The following ENPP2 variants were observed in gnomAD, a reference collection of about 807,000 sequenced individuals.
The protein encoded by ENPP2 is autotaxin.
A neutral mutation model predicts 120.2 loss-of-function variants in ENPP2; 51 were observed. The observed-to-expected ratio is 0.42, with a 90% CI of 0.34 to 0.54. The LOEUF (loss-of-function observed/expected upper bound fraction) is 0.54, where lower values mean the gene tolerates loss of function less well. Among genes scored for constraint, ENPP2 ranks in the 20% least tolerant of loss-of-function variants. ENPP2 has a pLI of 0.04. For synonymous variants in ENPP2, 365 were observed against 366.4 expected (o/e 1.00, Z 0.04); for missense variants, 920 against 1,066.5 (o/e 0.86, Z 1.91).
Position 119,583,781 on chromosome 8 carries a change from T to C in ENPP2, c.1479A>G (p.Ser493=), listed in dbSNP as rs1812914571. ...SMQTVFVGYG[S]TFKYKTKVPP... The stretch of plus-strand genomic sequence containing the variant: ...GCACTTTAGTCTTGTACTTAAATGT[T>C]GAGCCATAACCTACAAAAACAGTCT... Residue 493 remains serine, a synonymous_variant, in exon 17 of 25, where the codon TCA becomes TCG. Transcript: ENST00000075322. 1 of 1,602,480 alleles carries C rather than the reference T, an allele frequency of 6.2e-7. No individual in the cohort carries two copies. The highest frequency in any genetic ancestry group is 8.5e-7 in the Non-Finnish European group (1 of 1,170,614).
At chr8:119,599,005 G>A (rs1044107642) in intron 11 of ENPP2, among the ~76,000 whole-genome samples, 5 of 152,168 alleles carry the variant, frequency 3.3e-5, no homozygotes, top group African/African-American at 1.2e-4. Flanking sequence ...CTGCTTAGGT[G>A]TTTTGTTTTG....
chr8:119,580,070 G>A (rs369983841), intron 19 of ENPP2, 46 bp downstream of exon 19: 28 of 1,425,330 alleles, frequency 2.0e-5, no homozygotes, highest in African/African-American at 7.1e-5. Flanking sequence ...TTCGATTTTC[G>A]AAAACGAGAA....
intron 23 of ENPP2, among the ~76,000 whole-genome samples, chr8:119,564,247 T>C (rs967473397): frequency 2.6e-5 from 4 of 152,128 alleles, no homozygotes; most frequent in African/African-American, 4.8e-5. Context: ...CATCTTCCCA[T>C]TGAAGAGCTG....
chr8:119,637,440 G>A (rs182821056), intron 2 of ENPP2, among the ~76,000 whole-genome samples: 14 of 152,308 alleles, frequency 9.2e-5, no homozygotes, highest in Admixed American at 7.2e-4. Context: ...ATGTAAGGAA[G>A]ATTTAGTATT....
chr8:119,569,309 G>A lies in ENPP2; in HGVS notation c.1979C>T (p.Ser660Phe), dbSNP rs1248923381. 6.2e-7 allele frequency: 1 copy of A among 1,614,064 alleles called. No individual in the cohort carries two copies. The highest frequency in any genetic ancestry group is 2.2e-5 in the East Asian group (1 of 44,850). ...CAAACAGTTCTGACTGAAACTCGGA[G>A]AAACACGGACATCAGGCCGGACGCA... ...TSCVRPDVRV[S>F]PSFSQNCLAY... is the part of the protein sequence containing the mutation. Residue 660 changes from serine to phenylalanine, a missense_variant, in exon 21 of 25, where the codon TCT (serine) becomes TTT (phenylalanine). By Grantham distance (155) the Ser-to-Phe change is radical. Coordinates refer to ENST00000075322, the MANE Select transcript of ENPP2 (RefSeq NM_001040092.3).
chr8:119,641,475 C>T (rs1817285894), upstream of ENPP2, among the ~76,000 whole-genome samples: 1 of 152,232 alleles, frequency 6.6e-6, no homozygotes, highest in Non-Finnish European at 1.5e-5. Flanking sequence ...ACACATGTGG[C>T]TGGCTCAGTA....
At chr8:119,632,443 A>T (rs1443096090) in intron 2 of ENPP2, among the ~76,000 whole-genome samples, 2 of 152,246 alleles carry the variant, frequency 1.3e-5, no homozygotes, top group South Asian at 4.1e-4. Flanking sequence ...TACATATTCA[A>T]ATGATGTTAT....
chr8:119,600,532 AT>A (rs1462397829), intron 11 of ENPP2, 145 bp downstream of exon 11: 1 of 540,058 alleles, frequency 1.9e-6, no homozygotes, highest in Admixed American at 3.5e-5. Flanking sequence ...TTTTTAAAAA[AT>A]TTTTAGTCTT....
intron 24 of ENPP2, among the ~76,000 whole-genome samples, chr8:119,559,183 C>G (rs982385685): frequency 1.3e-5 from 2 of 152,156 alleles, no homozygotes; most frequent in African/African-American, 4.8e-5. Flanking sequence ...ACTGACCAGT[C>G]CTCAGTGTGA....
rs191794347 is a variant in ENPP2 at position 119,620,311 on chromosome 8, C to A, written c.419-1007G>T. Among the ~76,000 whole-genome samples the A allele has an allele frequency of 1.5e-3, 224 of 152,184 alleles. 2 individuals carry two copies. Among genetic ancestry groups the A allele is most frequent in the African/African-American group, 4.3e-3 (179 of 41,534 alleles). On this transcript the variant is annotated intron_variant, in intron 4 of 24. Transcript: ENST00000075322. Reference sequence around the variant, plus strand: ...GTGGCTTCCTGGTACACTTACTGCACAGGCAAATTAAAAAGGAAAGGGAAA... The same window carrying A: ...GTGGCTTCCTGGTACACTTACTGCAAAGGCAAATTAAAAAGGAAAGGGAAA...
At chr8:119,648,758 C>A (rs2130868347) in intron 1 of ENPP2, among the ~76,000 whole-genome samples, 1 of 152,286 alleles carries the variant, frequency 6.6e-6, no homozygotes, top group South Asian at 2.1e-4. Flanking sequence ...TACAAAAAGT[C>A]CAGAGCTAAC....
intron 1 of ENPP2, among the ~76,000 whole-genome samples, chr8:119,666,789 A>G (rs1347162719): frequency 6.6e-6 from 1 of 152,084 alleles, no homozygotes; most frequent in East Asian, 1.9e-4. Flanking sequence ...AAAAAAAAAA[A>G]AAGCTTAATG....
At chr8:119,585,823 G>A (rs756217479) in intron 15 of ENPP2, among the ~76,000 whole-genome samples, 11 of 151,872 alleles carry the variant, frequency 7.2e-5, no homozygotes, top group South Asian at 4.2e-4. Context: ...CTCAACAACC[G>A]AGATCAAATC....
intron 3 of ENPP2, among the ~76,000 whole-genome samples, chr8:119,624,398 A>G (rs980123415): frequency 1.3e-5 from 2 of 152,200 alleles, no homozygotes; most frequent in Non-Finnish European, 2.9e-5. Context: ...TTCAATGCTG[A>G]AAAGGAAGTG....
intron 24 of ENPP2, among the ~76,000 whole-genome samples, chr8:119,560,379 G>C (rs1813835570): frequency 6.6e-6 from 1 of 152,190 alleles, no homozygotes; most frequent in Non-Finnish European, 1.5e-5. Context: ...CCAAAATTGA[G>C]AGGGCCAAGC....
chr8:119,597,676 G>T (rs1587433749), intron 11 of ENPP2, among the ~76,000 whole-genome samples: 1 of 152,034 alleles, frequency 6.6e-6, no homozygotes, highest in Admixed American at 6.5e-5. Context: ...CCGAACAAGG[G>T]GTCACAGAAA....
At chr8:119,581,658 C>T (rs148641169) in intron 18 of ENPP2, among the ~76,000 whole-genome samples, 98 of 152,242 alleles carry the variant, frequency 6.4e-4, no homozygotes, top group African/African-American at 2.2e-3. Context: ...CCCCAGGGCA[C>T]TTCGTCACTC....
chr8:119,663,443 T>C (rs1411456249), intron 1 of ENPP2, among the ~76,000 whole-genome samples: 1 of 152,250 alleles, frequency 6.6e-6, no homozygotes, highest in African/African-American at 2.4e-5. Flanking sequence ...AAAGTATACA[T>C]TGTTTATCTG....
intron 22 of ENPP2, among the ~76,000 whole-genome samples, chr8:119,565,532 A>G (rs1160559410): frequency 6.6e-6 from 1 of 152,210 alleles, no homozygotes; most frequent in African/African-American, 2.4e-5. Flanking sequence ...CGCCTTCTCC[A>G]TCATAATCAA....
Sources: gnomAD v4.1 joint callset for allele counts (sites outside exome capture counted in the v4.1 genomes callset) on GRCh38, gnomAD v4.1.1 for gene constraint, MANE v1.5 for transcripts, NCBI Gene and HGNC (gene_info 2026-07-23, HGNC 2026-07-21) for gene names.